PAM: variants seen among roughly 807,000 people sequenced by gnomAD.
PAM encodes peptidyl-glycine alpha-amidating monooxygenase.
A neutral mutation model predicts 122.1 loss-of-function variants in PAM; 72 were observed. The observed-to-expected ratio is 0.59, with a 90% CI of 0.49 to 0.72. PAM has a LOEUF of 0.72. PAM is among the 30% of genes least tolerant of loss of function. The pLI, the probability that PAM is intolerant of heterozygous loss-of-function variation, is 0.00. For missense variants in PAM, 1,106 were observed against 1,183.7 expected (o/e 0.93, Z 0.96); for synonymous variants, 389 against 404.4 (o/e 0.96, Z 0.46).
intron 1 of PAM, among the ~76,000 whole-genome samples, chr5:102,771,725 G>A (rs1273944350): frequency 6.6e-6 from 1 of 152,110 alleles, no homozygotes; most frequent in Non-Finnish European, 1.5e-5. Context: ...CAAAAATAAA[G>A]TTGCTCTGTA....
chr5:102,863,165 A>G lies in PAM; in HGVS notation c.-373-2658A>G, dbSNP rs1163627825. ...TAAATCATTCTTACCTGAAGATTTT[A>G]TGGATATGTAAACAGAACATTTGCT... On this transcript the variant is annotated intron_variant, in intron 1 of 25. Transcript: ENST00000438793. Among the ~76,000 whole-genome samples, 2 of 145,124 alleles carry G rather than the reference A, an allele frequency of 1.4e-5. 1 individual carries two copies. The highest frequency in any genetic ancestry group is 5.7e-5 in the African/African-American group (2 of 34,842).
chr5:102,895,542 C>A (rs1381751377), intron 3 of PAM, among the ~76,000 whole-genome samples: 1 of 151,470 alleles, frequency 6.6e-6, no homozygotes, highest in Non-Finnish European at 1.5e-5. Context: ...ATGACTATGG[C>A]AAGATATATT....
At chr5:102,852,779 A>G (rs1264370131) in intron 1 of PAM, among the ~76,000 whole-genome samples, 2 of 152,202 alleles carry the variant, frequency 1.3e-5, no homozygotes, top group Admixed American at 6.5e-5. Flanking sequence ...TTAGGAATGA[A>G]TACTAAATTC....
chr5:102,817,985 A>C (rs1317443505), intron 1 of PAM, among the ~76,000 whole-genome samples: 1 of 149,280 alleles, frequency 6.7e-6, no homozygotes, highest in Non-Finnish European at 1.5e-5. Flanking sequence ...TTTTCTTTGT[A>C]AAACCTTTAC....
chr5:102,988,139 G>T (rs992885359), intron 15 of PAM, among the ~76,000 whole-genome samples: 1 of 152,020 alleles, frequency 6.6e-6, no homozygotes, highest in African/African-American at 2.4e-5. Flanking sequence ...ACATACACAC[G>T]TATCCTTTCC....
chr5:103,013,012 C>T (rs1259940996), intron 21 of PAM, among the ~76,000 whole-genome samples: 4 of 152,048 alleles, frequency 2.6e-5, no homozygotes, highest in Non-Finnish European at 5.9e-5. Context: ...TAATATGACT[C>T]CTCCAGTTTT....
intron 3 of PAM, among the ~76,000 whole-genome samples, chr5:102,890,899 C>T (rs928226245): frequency 5.9e-5 from 9 of 151,784 alleles, no homozygotes; most frequent in African/African-American, 1.7e-4. Context: ...ATACTAATAA[C>T]CCCATTAACT....
At chr5:103,000,883 A>C (rs1057205662) in intron 16 of PAM, among the ~76,000 whole-genome samples, 6 of 152,194 alleles carry the variant, frequency 3.9e-5, no homozygotes, top group African/African-American at 1.4e-4. Flanking sequence ...GATTATGGAA[A>C]CTACAATTCA....
At chr5:102,814,630 A>G (rs1769125659) in intron 1 of PAM, among the ~76,000 whole-genome samples, 1 of 146,648 alleles carries the variant, frequency 6.8e-6, no homozygotes, top group African/African-American at 2.5e-5. Context: ...TATAGAGGAT[A>G]ACTTTCTTAT....
At chr5:102,968,170 T>C (rs992085731) in intron 14 of PAM, among the ~76,000 whole-genome samples, 1 of 152,182 alleles carries the variant, frequency 6.6e-6, no homozygotes, top group Admixed American at 6.5e-5. Flanking sequence ...AACCTAGCAC[T>C]TGAGCTCAGA....
intron 20 of PAM, among the ~76,000 whole-genome samples, chr5:103,008,998 T>C (rs1021685839): frequency 2.0e-5 from 3 of 152,158 alleles, no homozygotes; most frequent in Admixed American, 6.5e-5. Context: ...CCTTCAAGAA[T>C]GATGAAAATA....
intron 1 of PAM, among the ~76,000 whole-genome samples, chr5:102,839,831 T>G (rs1778114613): frequency 6.6e-6 from 1 of 152,132 alleles, no homozygotes; most frequent in African/African-American, 2.4e-5. Context: ...AAATTCAGTG[T>G]CCTGTCATTA....
At chr5:102,804,789 C>T (rs1032370920) in intron 1 of PAM, among the ~76,000 whole-genome samples, 2 of 152,134 alleles carry the variant, frequency 1.3e-5, no homozygotes, top group Admixed American at 6.5e-5. Context: ...GAAGAATGGC[C>T]GCTGTAGCTG....
intron 1 of PAM, among the ~76,000 whole-genome samples, chr5:102,847,281 A>G (rs922536233): frequency 6.6e-6 from 1 of 152,168 alleles, no homozygotes; most frequent in African/African-American, 2.4e-5. Flanking sequence ...TCTACTAAAA[A>G]TACAAAAACT....
At chr5:102,848,352 A>G (rs1258572738) in intron 1 of PAM, among the ~76,000 whole-genome samples, 1 of 152,230 alleles carries the variant, frequency 6.6e-6, no homozygotes, top group Non-Finnish European at 1.5e-5. Flanking sequence ...TACACGGCAA[A>G]GGCAACAAAG....
At chr5:102,845,055 A>C (rs1779627952) in intron 1 of PAM, among the ~76,000 whole-genome samples, 1 of 152,236 alleles carries the variant, frequency 6.6e-6, no homozygotes, top group African/African-American at 2.4e-5. Flanking sequence ...GATAAAATAC[A>C]GTTCCTCGTT....
intron 5 of PAM, among the ~76,000 whole-genome samples, chr5:102,919,450 C>T (rs1462367141): frequency 6.6e-6 from 1 of 152,116 alleles, no homozygotes; most frequent in Admixed American, 6.6e-5. Context: ...ATCCTGGCCC[C>T]TGTCATCCAT....
At chr5:102,806,337 G>C (rs1766221308) in intron 1 of PAM, among the ~76,000 whole-genome samples, 1 of 152,184 alleles carries the variant, frequency 6.6e-6, no homozygotes, top group Non-Finnish European at 1.5e-5. Context: ...GCCCAGAACA[G>C]AGTTCGATGA....
intron 1 of PAM, among the ~76,000 whole-genome samples, chr5:102,798,066 T>C (rs1342508839): frequency 1.3e-5 from 2 of 152,126 alleles, no homozygotes; most frequent in Non-Finnish European, 2.9e-5. Context: ...GGATTAACAG[T>C]TTCAGATCAT....
Sources: allele counts gnomAD v4.1 joint callset (sites outside exome capture counted in the v4.1 genomes callset), GRCh38; gene constraint gnomAD v4.1.1; transcripts MANE v1.5; gene names NCBI Gene and HGNC (gene_info 2026-07-23, HGNC 2026-07-21).